Variants in MIPOL1 observed in about 807,000 individuals in gnomAD.
MIPOL1 encodes mirror-image polydactyly gene 1 protein.
In MIPOL1, 57 loss-of-function variants were observed where a neutral mutation model predicts 60.9. The observed-to-expected ratio is 0.94, with a 90% confidence interval of 0.76 to 1.17. The LOEUF (loss-of-function observed/expected upper bound fraction) is 1.17, where lower values mean the gene tolerates loss of function less well. MIPOL1 is among the 50% of genes most tolerant of loss of function. The pLI, the probability that MIPOL1 is intolerant of heterozygous loss-of-function variation, is 0.00. For synonymous variants in MIPOL1, 179 were observed against 168.8 expected (o/e 1.06, Z -0.47); for missense variants, 551 against 511.6 (o/e 1.08, Z -0.74).
chr14:37,533,517 C>A (rs1029381778), intron 12 of MIPOL1, among the ~76,000 whole-genome samples: 1 of 152,094 alleles, frequency 6.6e-6, no homozygotes, highest in Non-Finnish European at 1.5e-5. Context: ...CCATTTCTGG[C>A]TAAAAGAAAT....
chr14:37,259,380 A>G (rs1277367162), intron 3 of MIPOL1, among the ~76,000 whole-genome samples: 1 of 152,000 alleles, frequency 6.6e-6, no homozygotes, highest in Non-Finnish European at 1.5e-5. Context: ...CCTGGGCAAC[A>G]TAGGGGAGAC....
chr14:37,213,440 T>A (rs983902283), intron 1 of MIPOL1, among the ~76,000 whole-genome samples: 2 of 152,154 alleles, frequency 1.3e-5, no homozygotes, highest in Non-Finnish European at 2.9e-5. Flanking sequence ...AGAATGCATC[T>A]AAGTCGTTTA....
Position 37,308,351 on chromosome 14 carries a change from A to G in MIPOL1, c.660A>G (p.Thr220=), listed in dbSNP as rs981952888. 6.5e-6 allele frequency: 10 copies of G among 1,544,254 alleles called. No individual in the cohort carries two copies. The highest frequency in any genetic ancestry group is 5.5e-5 in the African/African-American group (4 of 72,114). ...CTAACATATAATGGTGTTGGTAGAC[A>G]TTACAGGAATTACTGAACAGAATAA... ...ENINPEENDM[T]LQELLNRINN... is the part of the protein sequence containing the mutation. Residue 220 remains threonine (T), a splice_region_variant and synonymous_variant, in exon 9 of 13, where the codon ACA becomes ACG. Coordinates refer to ENST00000684589, the MANE Select transcript of MIPOL1 (RefSeq NM_001388067.1).
intron 1 of MIPOL1, among the ~76,000 whole-genome samples, chr14:37,221,171 C>A (rs954687705): frequency 6.6e-6 from 1 of 152,082 alleles, no homozygotes; most frequent in Non-Finnish European, 1.5e-5. Context: ...ATAAGAGAAT[C>A]TCACGGTTTG....
At chr14:37,395,757 C>T (rs1377100310) in intron 10 of MIPOL1, among the ~76,000 whole-genome samples, 2 of 152,092 alleles carry the variant, frequency 1.3e-5, no homozygotes, top group Non-Finnish European at 2.9e-5. Flanking sequence ...ATTTCTTTCT[C>T]TTGTCTGATT....
intron 10 of MIPOL1, among the ~76,000 whole-genome samples, chr14:37,399,091 G>A (rs192900577): frequency 2.6e-5 from 4 of 152,242 alleles, no homozygotes; most frequent in East Asian, 1.9e-4. Flanking sequence ...AGGGGCCAAC[G>A]CATCTCTTAT....
chr14:37,468,149 CAT>C (rs1031323046), intron 11 of MIPOL1, among the ~76,000 whole-genome samples: 22 of 150,618 alleles, frequency 1.5e-4, no homozygotes, highest in Admixed American at 4.6e-4. Flanking sequence ...AGTATATAAA[CAT>C]ATGTTTACAT....
intron 1 of MIPOL1, among the ~76,000 whole-genome samples, chr14:37,229,644 A>C (rs1036512362): frequency 6.6e-6 from 1 of 152,202 alleles, no homozygotes; most frequent in African/African-American, 2.4e-5. Flanking sequence ...TAAAACTATT[A>C]GGAGGAAAAA....
intron 7 of MIPOL1, among the ~76,000 whole-genome samples, chr14:37,296,798 T>C (rs1410415187): frequency 6.6e-6 from 1 of 152,106 alleles, no homozygotes; most frequent in Non-Finnish European, 1.5e-5. Context: ...GGCTCTGAAA[T>C]TGAGGCAATA....
intron 11 of MIPOL1, among the ~76,000 whole-genome samples, chr14:37,480,512 T>TA (rs531557410): frequency 0.02 from 2,906 of 142,358 alleles, 68 homozygotes; most frequent in African/African-American, 0.063. Flanking sequence ...CTTTCATGAT[T>TA]AAAAAAAAAA....
At chr14:37,232,602 A>G (rs1018774329) in intron 1 of MIPOL1, among the ~76,000 whole-genome samples, 1 of 152,138 alleles carries the variant, frequency 6.6e-6, no homozygotes, top group Non-Finnish European at 1.5e-5. Flanking sequence ...ACCTTTTAAT[A>G]TCCTCTTACC....
At chr14:37,343,925 C>A (rs987858802) in intron 9 of MIPOL1, among the ~76,000 whole-genome samples, 45 of 152,182 alleles carry the variant, frequency 3.0e-4, no homozygotes, top group African/African-American at 1.0e-3. Context: ...TATCATGAAT[C>A]CTTATGGTAT....
intron 1 of MIPOL1, among the ~76,000 whole-genome samples, chr14:37,209,725 A>G (rs1295514082): frequency 6.6e-6 from 1 of 152,130 alleles, no homozygotes; most frequent in Non-Finnish European, 1.5e-5. Flanking sequence ...CTTATTTGAG[A>G]CAGAGTTTCA....
intron 11 of MIPOL1, among the ~76,000 whole-genome samples, chr14:37,431,072 T>C (rs1397024085): frequency 6.6e-6 from 1 of 152,238 alleles, no homozygotes; most frequent in African/African-American, 2.4e-5. Context: ...CCAGAGTTTG[T>C]ATTAGAATGG....
At position 37,550,386 on chromosome 14, in the gene MIPOL1, T is replaced by C. The variant is rs1032982374; in HGVS notation, c.*3415T>C. On this transcript the variant is annotated 3_prime_UTR_variant, in exon 13 of 13. Coordinates refer to ENST00000684589, the MANE Select transcript of MIPOL1 (RefSeq NM_001388067.1). ...TCTATGATGAAATAGCCATGGCTTA[T>C]ATATTTTTGTCTTTTCACATATGAT... 8 of 151,664 alleles carry C rather than the reference T, an allele frequency of 5.3e-5. No individual in the cohort carries two copies. The East Asian group carries it at 1.2e-3, about 22-fold the overall frequency. 9.4% of individuals were successfully genotyped at this position (151,664 alleles called of 1,614,324 possible).
At chr14:37,216,512 A>G (rs190719242) in intron 1 of MIPOL1, among the ~76,000 whole-genome samples, 2 of 152,244 alleles carry the variant, frequency 1.3e-5, no homozygotes, top group African/African-American at 4.8e-5. Context: ...CATCATTCTC[A>G]TGGATAGACC....
At chr14:37,305,564 CTA>C (rs747542090) in intron 7 of MIPOL1, among the ~76,000 whole-genome samples, 1 of 151,686 alleles carries the variant, frequency 6.6e-6, no homozygotes, top group African/African-American at 2.4e-5. Flanking sequence ...GATCCCTACT[CTA>C]TATAATCTAC....
intron 11 of MIPOL1, 140 bp from the exon 12 acceptor site, chr14:37,499,766 CAT>C (rs1481038038): frequency 1.3e-5 from 6 of 477,590 alleles, no homozygotes; most frequent in African/African-American, 2.0e-5. Context: ...AATGTTGTGA[CAT>C]AAAAATTATT....
intron 12 of MIPOL1, among the ~76,000 whole-genome samples, chr14:37,521,498 C>T (rs2095412754): frequency 6.6e-6 from 1 of 151,940 alleles, no homozygotes; most frequent in Non-Finnish European, 1.5e-5. Flanking sequence ...TTTTTATGCT[C>T]CTCATTAATT....
Sources: allele counts gnomAD v4.1 joint callset (sites outside exome capture counted in the v4.1 genomes callset), GRCh38; gene constraint gnomAD v4.1.1; transcripts MANE v1.5; gene names NCBI Gene and HGNC (gene_info 2026-07-23, HGNC 2026-07-21).